Variants in MPP7 observed in about 807,000 individuals in gnomAD.
The protein encoded by MPP7 is MAGUK p55 subfamily member 7.
Under a neutral mutation model 76.5 loss-of-function variants are expected in MPP7, and 60 were observed. The ratio of observed to expected loss-of-function variants is 0.78; its 90% CI spans 0.64 to 0.97. The LOEUF is 0.97. Among genes scored for constraint, MPP7 ranks in the 50% least tolerant of loss-of-function variants. The pLI is 0.00. For synonymous variants in MPP7, 237 were observed against 244.5 expected (o/e 0.97, Z 0.29); for missense variants, 641 against 694.0 (o/e 0.92, Z 0.86).
At chr10:28,172,078 T>C (rs1836700669) in intron 3 of MPP7, among the ~76,000 whole-genome samples, 3 of 152,156 alleles carry the variant, frequency 2.0e-5, no homozygotes, top group Non-Finnish European at 4.4e-5. Context: ...AACTGCCAGG[T>C]CTAGGATGAT....
intron 2 of MPP7, chr10:28,202,923 G>GTA (rs1837826720): frequency 6.6e-6 from 1 of 152,148 alleles, no homozygotes; most frequent in African/African-American, 2.4e-5. Context: ...ACAGATGCGG[G>GTA]TTACTCGTGG....
chr10:28,095,099 T>C (rs1439228721), intron 11 of MPP7, among the ~76,000 whole-genome samples: 1 of 151,790 alleles, frequency 6.6e-6, no homozygotes, highest in Non-Finnish European at 1.5e-5. Flanking sequence ...TATCCTTTCC[T>C]TTGGTCTTAC....
At chr10:28,205,116 C>T (rs1292356566) in intron 2 of MPP7, among the ~76,000 whole-genome samples, 1 of 152,194 alleles carries the variant, frequency 6.6e-6, no homozygotes, top group Non-Finnish European at 1.5e-5. Flanking sequence ...TTCCCTTCAA[C>T]TACCACATCT....
At chr10:28,092,226 C>T (rs1564626461) in intron 11 of MPP7, among the ~76,000 whole-genome samples, 1 of 152,106 alleles carries the variant, frequency 6.6e-6, no homozygotes, top group East Asian at 1.9e-4. Flanking sequence ...AAGAGTCACT[C>T]CGATTTTGAG....
chr10:28,306,668 TAGAGAGAG>T, upstream of MPP7, among the ~76,000 whole-genome samples: 1 of 148,510 alleles, frequency 6.7e-6, no homozygotes, highest in East Asian at 2.0e-4. Context: ...GATAGATAGA[TAGAGAGAG>T]AGAGAGAGAT....
chr10:28,177,260 C>CAAAAAAAAAAAAAAAAAA (rs57984876), intron 3 of MPP7, among the ~76,000 whole-genome samples: 2 of 104,182 alleles, frequency 1.9e-5, no homozygotes, highest in Admixed American at 1.1e-4. Context: ...ACTAAAAATG[C>CAAAAAAAAAAAAAAAAAA]AAAAAAAAAA....
chr10:28,099,940 C>T (rs1323031489), intron 11 of MPP7, among the ~76,000 whole-genome samples: 1 of 151,166 alleles, frequency 6.6e-6, no homozygotes, highest in Non-Finnish European at 1.5e-5. Context: ...TTTTTTCTCA[C>T]CTTAAAATTA....
chr10:28,302,942 A>AGCGACC lies in MPP7; in HGVS notation c.-219_-214dup, dbSNP rs1213511763. On this transcript the variant is annotated 5_prime_UTR_variant, in exon 1 of 17. Transcript: ENST00000683449. ...GCCCCGGGCCCGGAGGCAAGGAGGCAGCGACCGCCACCGCCGCAGAGGACA... is the reference window on the plus strand; with the variant it reads ...GCCCCGGGCCCGGAGGCAAGGAGGCAGCGACCGCGACCGCCACCGCCGCAGAGGACA... 6.6e-6 allele frequency among the ~76,000 whole-genome samples: 1 copy of AGCGACC among 151,954 alleles called. No individual in the cohort carries two copies. The highest frequency in any genetic ancestry group is 1.5e-5 in the Non-Finnish European group (1 of 67,936).
At chr10:28,322,387 AAAAT>A (rs1263289688) in intron 2 of MPP7, among the ~76,000 whole-genome samples, 2 of 152,278 alleles carry the variant, frequency 1.3e-5, no homozygotes, top group African/African-American at 4.8e-5. Context: ...AAAATAAAAT[AAAAT>A]AAATAAAAAA....
intron 12 of MPP7, among the ~76,000 whole-genome samples, chr10:28,087,569 T>C (rs984389617): frequency 6.6e-6 from 1 of 152,132 alleles, no homozygotes; most frequent in South Asian, 2.1e-4. Context: ...CTAATTTTTA[T>C]ACTATTAGTA....
chr10:28,269,177 C>G (rs761011926), intron 1 of MPP7, among the ~76,000 whole-genome samples: 28 of 152,292 alleles, frequency 1.8e-4, no homozygotes, highest in Non-Finnish European at 4.4e-5. Context: ...GATGCAGGAC[C>G]TTTGGGAGAG....
intron 1 of MPP7, among the ~76,000 whole-genome samples, chr10:28,256,418 G>C (rs112364978): frequency 0.011 from 1,601 of 149,680 alleles, 18 homozygotes; most frequent in Non-Finnish European, 0.018. Context: ...CTCCAGCCAA[G>C]ATTCTACTTC....
At chr10:28,097,795 C>A (rs1350583702) in intron 11 of MPP7, among the ~76,000 whole-genome samples, 1 of 152,018 alleles carries the variant, frequency 6.6e-6, no homozygotes, top group Non-Finnish European at 1.5e-5. Context: ...ATTAGAAATA[C>A]AAAAATATGT....
intron 3 of MPP7, among the ~76,000 whole-genome samples, chr10:28,150,587 T>A (rs1835852277): frequency 6.6e-6 from 1 of 152,224 alleles, no homozygotes; most frequent in Admixed American, 6.5e-5. Context: ...TCAAGCACAC[T>A]GTTCCTTTTA....
At chr10:28,118,988 A>T in intron 11 of MPP7, 1 of 985,398 alleles carries the variant, frequency 1.0e-6, no homozygotes, top group South Asian at 4.7e-5. Context: ...GGCGAGGTGG[A>T]ACAGGGAATT....
rs1459857030 is a variant in MPP7 at position 28,131,647 on chromosome 10, G to T, written c.360C>A (p.Asp120Glu). The change falls in exon 6 of 17, where the codon GAC becomes GAA. Residue 120 changes from aspartate to glutamate, a missense_variant. Transcript: ENST00000683449. ...CTTCAGGCATAGGAGGCAACACTGGGTCGTAATTCTTCTGAGCCACAGTAT... is the reference window on the plus strand; with the variant it reads ...CTTCAGGCATAGGAGGCAACACTGGTTCGTAATTCTTCTGAGCCACAGTAT... ...VHDTVAQKNY[D>E]PVLPPMPEDI... is the part of the protein sequence containing the mutation. 3 of 1,604,330 alleles carry T rather than the reference G, an allele frequency of 1.9e-6. No homozygotes were observed. In the East Asian group the frequency reaches 6.8e-5, roughly 36 times the overall value.
chr10:28,280,791 C>A (rs1840646467), intron 1 of MPP7, among the ~76,000 whole-genome samples: 1 of 152,116 alleles, frequency 6.6e-6, no homozygotes, highest in African/African-American at 2.4e-5. Context: ...AGACAAAGGT[C>A]ACATGCGACC....
chr10:28,121,812 T>A (rs1280142708), intron 8 of MPP7, among the ~76,000 whole-genome samples: 30 of 145,378 alleles, frequency 2.1e-4, no homozygotes, highest in Admixed American at 1.7e-3. Flanking sequence ...TCCATTTATT[T>A]AAAAAAAAAA....
At chr10:28,227,662 A>T (rs1838740966) in intron 2 of MPP7, among the ~76,000 whole-genome samples, 1 of 152,040 alleles carries the variant, frequency 6.6e-6, no homozygotes, top group South Asian at 2.1e-4. Flanking sequence ...GTTCCTTTTT[A>T]TGGTTGCACA....
Sources: allele counts gnomAD v4.1 joint callset (sites outside exome capture counted in the v4.1 genomes callset), GRCh38; gene constraint gnomAD v4.1.1; transcripts MANE v1.5; gene names NCBI Gene and HGNC (gene_info 2026-07-23, HGNC 2026-07-21).